IL20RB: variants seen among roughly 807,000 people sequenced by gnomAD.
The protein encoded by IL20RB is interleukin-20 receptor subunit beta.
Under a neutral mutation model 33.3 loss-of-function variants are expected in IL20RB, and 21 were observed. That is an observed-to-expected ratio of 0.63 (90% CI 0.45 to 0.91). IL20RB has a LOEUF of 0.91. Among genes scored for constraint, IL20RB ranks in the 40% least tolerant of loss-of-function variants. The pLI is 0.00. For missense variants in IL20RB, 345 were observed against 384.8 expected (o/e 0.90, Z 0.86); for synonymous variants, 147 against 146.8 (o/e 1.00, Z -0.01).
At chr3:136,994,040 A>G (rs1419419443) in intron 5 of IL20RB, among the ~76,000 whole-genome samples, 1 of 152,192 alleles carries the variant, frequency 6.6e-6, no homozygotes, top group Non-Finnish European at 1.5e-5. Context: ...ATGTCAATAT[A>G]TGTAAATGAA....
chr3:136,974,891 T>C (rs978072767), intron 1 of IL20RB, among the ~76,000 whole-genome samples: 1 of 152,234 alleles, frequency 6.6e-6, no homozygotes, highest in Non-Finnish European at 1.5e-5. Context: ...ATCTAGTCTA[T>C]TGTTGAAGCT....
chr3:136,994,739 A>G (rs182368138), intron 5 of IL20RB, among the ~76,000 whole-genome samples: 53 of 152,248 alleles, frequency 3.5e-4, no homozygotes, highest in African/African-American at 9.9e-4. Context: ...AATGACTGTG[A>G]GCTTTGGAGC....
chr3:136,995,179 A>G (rs1942101623), intron 5 of IL20RB, among the ~76,000 whole-genome samples: 1 of 152,184 alleles, frequency 6.6e-6, no homozygotes, highest in African/African-American at 2.4e-5. Context: ...TCACAAGGAA[A>G]AGATTTTAAT....
intron 5 of IL20RB, among the ~76,000 whole-genome samples, chr3:136,994,301 T>C (rs934333656): frequency 5.3e-5 from 8 of 152,218 alleles, no homozygotes; most frequent in African/African-American, 1.9e-4. Flanking sequence ...GTAACTCAAA[T>C]GATAAATGTT....
chr3:136,969,670 G>GCTC (rs1941420093), intron 1 of IL20RB, among the ~76,000 whole-genome samples: 1 of 151,950 alleles, frequency 6.6e-6, no homozygotes, highest in African/African-American at 2.4e-5. Flanking sequence ...CGTCGCTCAC[G>GCTC]CTGGGAGCTG....
chr3:137,010,526 C>A lies in IL20RB; in HGVS notation c.*303C>A. 1 of 286,704 alleles carries A rather than the reference C, an allele frequency of 3.5e-6. No individual in the cohort carries two copies. The highest frequency in any genetic ancestry group is 6.6e-6 in the Non-Finnish European group (1 of 151,206). The allele number at this position is 286,704 out of a possible 1,614,324, so 17.8% of individuals were successfully genotyped here. On this transcript the variant is annotated 3_prime_UTR_variant, in exon 7 of 7. Coordinates refer to ENST00000329582, the MANE Select transcript of IL20RB (RefSeq NM_144717.4). ...TTCTCATCTGTAATGGGGGAATTAC[C>A]TACACACCTGCTAAACACACACACA...
chr3:136,958,299 A>G (rs911159237), intron 1 of IL20RB, 98 bp downstream of exon 1: 1 of 715,184 alleles, frequency 1.4e-6, no homozygotes, highest in Non-Finnish European at 2.5e-6. Context: ...AAATATGTGT[A>G]TAGAATATCG....
chr3:137,005,321 G>A (rs1386610443), intron 6 of IL20RB, among the ~76,000 whole-genome samples: 2 of 152,144 alleles, frequency 1.3e-5, no homozygotes, highest in Non-Finnish European at 2.9e-5. Flanking sequence ...GGATATCCTT[G>A]TTAACCTTCT....
Position 136,991,945 on chromosome 3 carries a change from T to A in IL20RB, c.539T>A (p.Val180Asp). The A allele has an allele frequency of 6.2e-7, 1 of 1,614,010 alleles. No homozygotes were observed. The highest frequency in any genetic ancestry group is 1.7e-5 in the Admixed American group (1 of 60,010). The change falls in exon 5 of 7, where the codon GTC (valine) becomes GAC (aspartate). Residue 180 changes from valine to aspartate, a missense_variant. By Grantham distance (152) the Val-to-Asp change is radical. Coordinates refer to ENST00000329582, the MANE Select transcript of IL20RB (RefSeq NM_144717.4). ...WRREPGAEEH[V>D]KMVRSGGIPV... ...TTTTCTGGTCTGTCAAAGGAACATG[T>A]CAAAATGGTGAGGAGTGGGGGTATT...
chr3:136,989,357 T>G, intron 3 of IL20RB, 84 bp from the exon 4 acceptor site: 1 of 1,527,940 alleles, frequency 6.5e-7, no homozygotes, highest in Non-Finnish European at 9.0e-7. Flanking sequence ...CGGACATATT[T>G]CCATACATGA....
intron 4 of IL20RB, 135 bp from the exon 5 acceptor site, chr3:136,991,803 T>C: frequency 1.3e-6 from 1 of 743,328 alleles, no homozygotes; most frequent in South Asian, 2.1e-5. Flanking sequence ...AGATGGGGTG[T>C]TTCACCATGT....
At chr3:136,991,831 A>C in intron 4 of IL20RB, 107 bp from the exon 5 acceptor site, 1 of 1,125,862 alleles carries the variant, frequency 8.9e-7, no homozygotes, top group Non-Finnish European at 1.3e-6. Flanking sequence ...GCTGGTCTTG[A>C]ACTCCTGACC....
chr3:136,980,734 G>A (rs1357987402), intron 2 of IL20RB, 142 bp downstream of exon 2: 3 of 777,876 alleles, frequency 3.9e-6, no homozygotes, highest in Non-Finnish European at 4.2e-6. Flanking sequence ...GTCTGCATAG[G>A]CATTGAAAGA....
chr3:137,005,200 T>C (rs957884417), intron 6 of IL20RB, among the ~76,000 whole-genome samples: 1 of 152,222 alleles, frequency 6.6e-6, no homozygotes, highest in African/African-American at 2.4e-5. Flanking sequence ...TGGTCAATTT[T>C]AGAATAAGTG....
chr3:136,982,028 A>T, intron 2 of IL20RB, 132 bp from the exon 3 acceptor site: 1 of 544,946 alleles, frequency 1.8e-6, no homozygotes, highest in Non-Finnish European at 3.2e-6. Context: ...AGAGTGGAGG[A>T]GCTAGGATAA....
At chr3:136,999,124 TCTCA>T (rs1235449008) in intron 6 of IL20RB, among the ~76,000 whole-genome samples, 1 of 152,144 alleles carries the variant, frequency 6.6e-6, no homozygotes, top group East Asian at 1.9e-4. Flanking sequence ...AGAGACAGGG[TCTCA>T]CTCTGCCACT....
intron 2 of IL20RB, among the ~76,000 whole-genome samples, chr3:136,981,265 TTTAAA>T (rs3054095): frequency 6.3e-4 from 92 of 146,526 alleles, no homozygotes; most frequent in Middle Eastern, 3.4e-3. Flanking sequence ...GCTATTTAAA[TTTAAA>T]TTAAATTAAA....
At chr3:136,989,327 C>T (rs1941983045) in intron 3 of IL20RB, 114 bp from the exon 4 acceptor site, 1 of 1,231,482 alleles carries the variant, frequency 8.1e-7, no homozygotes, top group African/African-American at 1.5e-5. Flanking sequence ...ACAGCAGACT[C>T]CCTTCCTCTC....
intron 1 of IL20RB, among the ~76,000 whole-genome samples, chr3:136,961,090 C>T (rs1282907791): frequency 6.6e-6 from 1 of 152,204 alleles, no homozygotes; most frequent in African/African-American, 2.4e-5. Flanking sequence ...CAGAAAGGGT[C>T]TAATTTAAAG....
Sources: gnomAD v4.1 joint callset for allele counts (sites outside exome capture counted in the v4.1 genomes callset) on GRCh38, gnomAD v4.1.1 for gene constraint, MANE v1.5 for transcripts, NCBI Gene and HGNC (gene_info 2026-07-23, HGNC 2026-07-21) for gene names.